ECHDC2: variants seen among roughly 807,000 people sequenced by gnomAD.
ECHDC2 encodes the protein enoyl-CoA hydratase domain containing 2, also known as enoyl-CoA hydratase domain-containing protein 2, mitochondrial.
In ECHDC2, 34 loss-of-function variants were observed where a neutral mutation model predicts 40.6. That is an observed-to-expected ratio of 0.84 (90% confidence interval 0.64 to 1.11). ECHDC2 has a LOEUF of 1.11. Ranked by LOEUF, ECHDC2 falls within the 50% of genes most tolerant of loss-of-function variation. The probability of loss-of-function intolerance (pLI) is 0.00; values close to 1 mark genes in which losing one functional copy is unlikely to be tolerated. For missense variants in ECHDC2, 392 were observed against 400.7 expected (o/e 0.98, Z 0.19); for synonymous variants, 162 against 166.6 (o/e 0.97, Z 0.21).
intron 7 of ECHDC2, among the ~76,000 whole-genome samples, chr1:52,903,063 C>T (rs1181029684): frequency 6.6e-6 from 1 of 152,042 alleles, no homozygotes; most frequent in Admixed American, 6.6e-5. Flanking sequence ...TATCCTGGGC[C>T]CCCTGAGAGT....
Position 52,895,991 on chromosome 1 carries a change from A to T in ECHDC2, c.*529T>A, listed in dbSNP as rs1421839437. 2 of 153,252 alleles carry T rather than the reference A, an allele frequency of 1.3e-5. No individual in the cohort carries two copies. Among genetic ancestry groups the T allele is most frequent in the Non-Finnish European group, 2.9e-5 (2 of 68,732 alleles). 9.5% of individuals were successfully genotyped at this position (153,252 alleles called of 1,614,324 possible). A position where few individuals can be genotyped will look rare whatever the true frequency, so the allele number is the denominator to read the frequency against. ...ACAAGTTTTGTTTTGTAGGTGAGGA[A>T]GCTGAGGCCCAGAGCATTTAAACAA... On this transcript the variant is annotated 3_prime_UTR_variant, in exon 10 of 10. Transcript: ENST00000371522.
chr1:52,908,616 A>G (rs1272290115), intron 3 of ECHDC2, among the ~76,000 whole-genome samples: 1 of 151,996 alleles, frequency 6.6e-6, no homozygotes, highest in Non-Finnish European at 1.5e-5. Context: ...TTCTCCAACT[A>G]AACAACAAAA....
Sources: gnomAD v4.1 joint callset for allele counts (sites outside exome capture counted in the v4.1 genomes callset) on GRCh38, gnomAD v4.1.1 for gene constraint, MANE v1.5 for transcripts, NCBI Gene and HGNC (gene_info 2026-07-23, HGNC 2026-07-21) for gene names.